Variants in KIF1B observed in about 807,000 individuals in gnomAD.
The protein encoded by KIF1B is kinesin-like protein KIF1B.
A neutral mutation model predicts 241.9 loss-of-function variants in KIF1B; 76 were observed. The observed-to-expected ratio is 0.31, with a 90% CI of 0.26 to 0.38. The LOEUF (loss-of-function observed/expected upper bound fraction) is 0.38. Among genes scored for constraint, KIF1B ranks in the 10% least tolerant of loss-of-function variants. The probability of loss-of-function intolerance (pLI) is 1.00; values close to 1 mark genes in which losing one functional copy is unlikely to be tolerated. For missense variants in KIF1B, 1,622 were observed against 2,271.4 expected (o/e 0.71, Z 5.81); for synonymous variants, 750 against 796.7 (o/e 0.94, Z 0.99).
chr1:10,236,695 T>G (rs1647056339), intron 2 of KIF1B, among the ~76,000 whole-genome samples: 1 of 152,254 alleles, frequency 6.6e-6, no homozygotes, highest in Non-Finnish European at 1.5e-5. Flanking sequence ...CATGTTCTAC[T>G]TGTTTTCTGT....
At chr1:10,343,009 C>G (rs960012083) in intron 33 of KIF1B, among the ~76,000 whole-genome samples, 4 of 152,160 alleles carry the variant, frequency 2.6e-5, no homozygotes, top group African/African-American at 9.7e-5. Flanking sequence ...TTGAGATAGG[C>G]ACGTGGAAGT....
chr1:10,215,136 TTTTATATATATA>T (rs1459511813), intron 1 of KIF1B, among the ~76,000 whole-genome samples: 1 of 88,798 alleles, frequency 1.1e-5, no homozygotes, highest in African/African-American at 5.1e-5. Context: ...AATTTATATA[TTTTATATATATA>T]TATATATATA....
chr1:10,270,967 T>C (rs1648761966), intron 7 of KIF1B, among the ~76,000 whole-genome samples: 1 of 151,906 alleles, frequency 6.6e-6, no homozygotes, highest in Non-Finnish European at 1.5e-5. Context: ...GTCAAATTGT[T>C]TTCCAAAGTG....
chr1:10,244,627 T>A (rs1368542548), intron 2 of KIF1B, among the ~76,000 whole-genome samples: 2 of 146,458 alleles, frequency 1.4e-5, no homozygotes, highest in Non-Finnish European at 3.0e-5. Context: ...TTTTTTTTTT[T>A]TTTGAGACGG....
In KIF1B at chr1:10,331,425, C is replaced by G. The variant is rs1651917729; in HGVS notation, c.2925-3095C>G. Among the ~76,000 whole-genome samples, 4 of 152,186 alleles carry G rather than the reference C, an allele frequency of 2.6e-5. No individual in the cohort carries two copies. The South Asian group carries it at 8.3e-4, about 32-fold the overall frequency. ...CAACTCTCTGTTTCTTAGCATTTCT[C>G]TCTCTCCTGCTTTGGAGCAGACTGA... is the stretch of plus-strand genomic sequence containing the variant. On this transcript the variant is annotated intron_variant, in intron 27 of 48. Transcript: ENST00000676179.
In KIF1B at chr1:10,374,818, G is replaced by T. The variant is rs773038733; in HGVS notation, c.5097-36G>T. 1 of 1,595,774 alleles carries T rather than the reference G, an allele frequency of 6.3e-7. No homozygotes were observed. The highest frequency in any genetic ancestry group is 1.7e-5 in the Admixed American group (1 of 59,956). On this transcript the variant is annotated intron_variant, in intron 46 of 48. Coordinates refer to ENST00000676179, the MANE Select transcript of KIF1B (RefSeq NM_001365951.3). This position sits in a 1 kb window ranked among gnomAD's most constrained non-coding sequence, Gnocchi z 4.3. The stretch of plus-strand genomic sequence containing the variant: ...TCCTCAGCACGATTATTTTCTTTTT[G>T]TGAGAAACTAACTTTTGTCATATTG...
chr1:10,240,712 G>A (rs976679811), intron 2 of KIF1B, among the ~76,000 whole-genome samples: 10 of 144,480 alleles, frequency 6.9e-5, no homozygotes, highest in Admixed American at 2.9e-4. Flanking sequence ...AAGAATTTAT[G>A]GGTAGTTCAT....
chr1:10,360,241 A>G (rs1382073919), intron 38 of KIF1B, among the ~76,000 whole-genome samples: 2 of 152,114 alleles, frequency 1.3e-5, no homozygotes, highest in African/African-American at 4.8e-5. Context: ...TCCTGCTGTC[A>G]TCATTAACTG....
chr1:10,287,797 T>C (rs977732472), intron 15 of KIF1B, among the ~76,000 whole-genome samples: 21 of 152,250 alleles, frequency 1.4e-4, no homozygotes, highest in Non-Finnish European at 1.5e-5. Flanking sequence ...ATGGCTTTAA[T>C]ATGACTAGAT....
chr1:10,349,569 G>A (rs945477093), intron 37 of KIF1B, among the ~76,000 whole-genome samples: 1 of 151,850 alleles, frequency 6.6e-6, no homozygotes, highest in Non-Finnish European at 1.5e-5. Context: ...TGCTAAGAGA[G>A]TTAACAGTGA....
In KIF1B at chr1:10,321,871, G is replaced by A; in HGVS notation, c.2358+14G>A. ...CTGAAAAAGAAGGTATGGAGCAGGA[G>A]GACACAGGAGAGCTGGAGGCAAAGC... On this transcript the variant is annotated intron_variant, in intron 24 of 48. Coordinates refer to ENST00000676179, the MANE Select transcript of KIF1B (RefSeq NM_001365951.3). 6.2e-7 allele frequency: 1 copy of A among 1,613,970 alleles called. No individual in the cohort carries two copies. The highest frequency in any genetic ancestry group is 8.5e-7 in the Non-Finnish European group (1 of 1,179,908).
Position 10,220,405 on chromosome 1 carries a change from A to AGAT in KIF1B, c.-80+9528_-80+9530dup, listed in dbSNP as rs1553160032. On this transcript the variant is annotated intron_variant, in intron 1 of 48. Coordinates refer to ENST00000676179, the MANE Select transcript of KIF1B (RefSeq NM_001365951.3). ...ATAGATAGATAGATAGATGATAGAT[A>AGAT]GATAGATAGATAGATAGATAGATAG... is the stretch of plus-strand genomic sequence containing the variant. 9.4e-4 allele frequency among the ~76,000 whole-genome samples: 130 copies of AGAT among 137,604 alleles called. 1 individual carries two copies. The Middle Eastern group carries it at 0.03, about 32-fold the overall frequency. 90.3% of individuals were successfully genotyped at this position (137,604 alleles called of 152,430 possible). A position where few individuals can be genotyped will look rare whatever the true frequency, so the allele number is the denominator to read the frequency against.
chr1:10,252,201 C>T (rs935571232), intron 2 of KIF1B, among the ~76,000 whole-genome samples: 9 of 151,756 alleles, frequency 5.9e-5, no homozygotes, highest in African/African-American at 1.7e-4. Context: ...CACCATGCCT[C>T]GCTAACTTTT....
At chr1:10,254,611 T>C (rs576939422) in intron 2 of KIF1B, among the ~76,000 whole-genome samples, 1 of 152,222 alleles carries the variant, frequency 6.6e-6, no homozygotes, top group Admixed American at 6.5e-5. Context: ...GCGCGGTGGC[T>C]CACGCTTGTA....
chr1:10,344,594 CT>C (rs1652522401), intron 34 of KIF1B, among the ~76,000 whole-genome samples: 1 of 152,104 alleles, frequency 6.6e-6, no homozygotes, highest in Admixed American at 6.6e-5. Flanking sequence ...TGTTAGAATA[CT>C]TCTGGTTTTG....
intron 43 of KIF1B, among the ~76,000 whole-genome samples, chr1:10,367,970 A>G (rs1569914881): frequency 6.6e-6 from 1 of 151,576 alleles, no homozygotes; most frequent in South Asian, 2.1e-4. Context: ...CTCGTGATCC[A>G]CCTGCCTCAG....
At position 10,275,429 on chromosome 1, in the gene KIF1B, G is replaced by A. The variant is rs549784845; in HGVS notation, c.884G>A (p.Ser295Asn). The A allele has an allele frequency of 6.5e-6, 10 of 1,546,696 alleles. No individual in the cohort carries two copies. Among genetic ancestry groups the A allele is most frequent in the Non-Finnish European group, 8.9e-6 (10 of 1,119,462 alleles). ...LAEVDNCTSK[S>N]KKKKKTDFIP... ...AGACCATTTCTTTTCCTTTAATAGA[G>A]TAAAAAGAAGAAGAAAACAGATTTT... The change falls in exon 11 of 49, where the codon AGT becomes AAT. Residue 295 changes from serine to asparagine, a missense_variant and splice_region_variant. Physicochemically the swap from Ser to Asn is conservative, Grantham distance 46 (BLOSUM62 1). Transcript: ENST00000676179.
At chr1:10,335,091 C>T (rs1472811604) in intron 28 of KIF1B, among the ~76,000 whole-genome samples, 1 of 152,032 alleles carries the variant, frequency 6.6e-6, no homozygotes, top group African/African-American at 2.4e-5. Flanking sequence ...TGCACACCAC[C>T]ATCCCAGCTA....
In KIF1B at chr1:10,347,745, C is replaced by T. The variant is rs1368106476; in HGVS notation, c.3798-16C>T. 9 of 1,610,148 alleles carry T rather than the reference C, an allele frequency of 5.6e-6. No homozygotes were observed. The highest frequency in any genetic ancestry group is 1.7e-4 in the Middle Eastern group (1 of 6,038). ...AAGTAGCACTTAGTTTTTTCTTTTG[C>T]GTTTCTATTTTTTAGGTATATCCCA... On this transcript the variant is annotated splice_polypyrimidine_tract_variant and intron_variant, in intron 35 of 48. Transcript: ENST00000676179.
Sources: gnomAD v4.1 joint callset for allele counts (sites outside exome capture counted in the v4.1 genomes callset) on GRCh38, gnomAD v4.1.1 for gene constraint, Gnocchi (gnomAD v3.1) non-coding constraint, MANE v1.5 for transcripts, NCBI Gene and HGNC (gene_info 2026-07-23, HGNC 2026-07-21) for gene names.